Variants in LHFPL3 observed in about 807,000 individuals in gnomAD.
The protein encoded by LHFPL3 is LHFPL tetraspan subfamily member 3.
In LHFPL3, 5 loss-of-function variants were observed where a neutral mutation model predicts 19.3. That is an observed-to-expected ratio of 0.26 (90% CI 0.14 to 0.54). The LOEUF is 0.54. Ranked by LOEUF, LHFPL3 falls within the 20% of genes least tolerant of loss-of-function variation. LHFPL3 has a pLI of 0.94. For synonymous variants in LHFPL3, 133 were observed against 126.2 expected (o/e 1.05, Z -0.36); for missense variants, 249 against 307.4 (o/e 0.81, Z 1.42).
intron 2 of LHFPL3, among the ~76,000 whole-genome samples, chr7:104,739,208 C>T (rs1423414419): frequency 6.6e-6 from 1 of 152,152 alleles, no homozygotes; most frequent in Non-Finnish European, 1.5e-5. Flanking sequence ...TTAGTCAAAC[C>T]TGCATGTTCC....
chr7:104,416,772 A>G (rs1483793015), intron 1 of LHFPL3, among the ~76,000 whole-genome samples: 1 of 152,230 alleles, frequency 6.6e-6, no homozygotes, highest in Admixed American at 6.5e-5. Flanking sequence ...AGGAAGCCAC[A>G]GACTGGGTAA....
At chr7:104,376,751 C>G (rs920794159) in intron 1 of LHFPL3, among the ~76,000 whole-genome samples, 5 of 152,098 alleles carry the variant, frequency 3.3e-5, no homozygotes, top group African/African-American at 1.2e-4. Context: ...CAAGCCTTGG[C>G]GACACTCCTC....
chr7:104,440,588 C>CAAAGCTAT (rs1414300450), intron 1 of LHFPL3, among the ~76,000 whole-genome samples: 1 of 151,868 alleles, frequency 6.6e-6, no homozygotes, highest in Non-Finnish European at 1.5e-5. Context: ...TATAAAAATA[C>CAAAGCTAT]AAAGCTATAA....
At chr7:104,631,010 A>G (rs766111506) in intron 1 of LHFPL3, among the ~76,000 whole-genome samples, 3 of 152,094 alleles carry the variant, frequency 2.0e-5, no homozygotes, top group Non-Finnish European at 4.4e-5. Flanking sequence ...AACTTGCTAG[A>G]AATCTGCCTT....
intron 1 of LHFPL3, among the ~76,000 whole-genome samples, chr7:104,570,848 G>A (rs1229458588): frequency 6.6e-6 from 1 of 152,142 alleles, no homozygotes; most frequent in African/African-American, 2.4e-5. Context: ...GCCGTACTTA[G>A]TAAGCTCTAT....
intron 1 of LHFPL3, among the ~76,000 whole-genome samples, chr7:104,414,378 G>A (rs1252974619): frequency 1.3e-5 from 2 of 152,162 alleles, no homozygotes; most frequent in Non-Finnish European, 2.9e-5. Context: ...GTGGATTTTG[G>A]AAAGCATTCT....
chr7:104,598,353 A>G (rs13236834), intron 1 of LHFPL3, among the ~76,000 whole-genome samples: 20,016 of 152,258 alleles, frequency 0.13, 1,531 homozygotes, highest in Non-Finnish European at 0.17. Flanking sequence ...AGAGCTTTTA[A>G]TGCAAATTTT....
intron 1 of LHFPL3, among the ~76,000 whole-genome samples, chr7:104,387,934 C>G (rs973204075): frequency 2.0e-5 from 3 of 152,166 alleles, no homozygotes; most frequent in Non-Finnish European, 4.4e-5. Context: ...CTATCCTCCT[C>G]CTCCTCCCAC....
chr7:104,839,925 GC>G (rs1329452200), intron 2 of LHFPL3, among the ~76,000 whole-genome samples: 36 of 152,138 alleles, frequency 2.4e-4, no homozygotes, highest in African/African-American at 8.4e-4. Flanking sequence ...TCCCTAACAG[GC>G]TCTCACTTGT....
chr7:104,739,906 T>G (rs539184149), intron 2 of LHFPL3, among the ~76,000 whole-genome samples: 1 of 152,220 alleles, frequency 6.6e-6, no homozygotes, highest in Non-Finnish European at 1.5e-5. Flanking sequence ...AGTTTTATGG[T>G]TGATATGGTC....
intron 2 of LHFPL3, among the ~76,000 whole-genome samples, chr7:104,748,902 G>A (rs533698286): frequency 1.2e-4 from 19 of 152,300 alleles, no homozygotes; most frequent in East Asian, 9.6e-4. Flanking sequence ...GGCGCCCAAC[G>A]TGGGGCTAAG....
intron 1 of LHFPL3, among the ~76,000 whole-genome samples, chr7:104,642,534 C>A (rs1322644722): frequency 6.6e-6 from 1 of 152,022 alleles, no homozygotes; most frequent in Non-Finnish European, 1.5e-5. Flanking sequence ...TGTTTACTTC[C>A]CCCTTCAATT....
chr7:104,892,654 T>A (rs956251288), intron 2 of LHFPL3, among the ~76,000 whole-genome samples: 21 of 135,670 alleles, frequency 1.5e-4, no homozygotes, highest in Non-Finnish European at 3.0e-5. Context: ...GAGGTTGCAG[T>A]GAGCTGAGAC....
intron 2 of LHFPL3, among the ~76,000 whole-genome samples, chr7:104,866,425 C>T (rs1269156490): frequency 1.3e-5 from 2 of 152,078 alleles, no homozygotes; most frequent in Non-Finnish European, 2.9e-5. Context: ...GGGTTGCAAT[C>T]CTAATCTCTG....
At chr7:104,714,810 C>A (rs1793357208) in intron 1 of LHFPL3, among the ~76,000 whole-genome samples, 1 of 152,116 alleles carries the variant, frequency 6.6e-6, no homozygotes. Context: ...TGCCAACCAC[C>A]CTCTAGCTTA....
intron 1 of LHFPL3, among the ~76,000 whole-genome samples, chr7:104,426,073 G>A (rs1034637713): frequency 3.9e-5 from 6 of 152,082 alleles, no homozygotes; most frequent in Admixed American, 1.3e-4. Flanking sequence ...AAATGTTCCC[G>A]TTCCCCCACA....
chr7:104,528,673 A>G (rs183126077), intron 1 of LHFPL3, among the ~76,000 whole-genome samples: 1 of 152,300 alleles, frequency 6.6e-6, no homozygotes, highest in East Asian at 1.9e-4. Context: ...ATAATGTGGA[A>G]TTATTTAGTG....
chr7:104,641,574 C>T (rs911897678), intron 1 of LHFPL3, among the ~76,000 whole-genome samples: 3 of 152,102 alleles, frequency 2.0e-5, no homozygotes, highest in African/African-American at 7.2e-5. Context: ...TATACACTTC[C>T]CTTTCTTGGA....
intron 2 of LHFPL3, among the ~76,000 whole-genome samples, chr7:104,774,830 A>C (rs7799753): frequency 0.23 from 35,296 of 152,128 alleles, 4,512 homozygotes; most frequent in East Asian, 0.36. Flanking sequence ...GCTGGATTAA[A>C]GGCCTCATTC....
Sources: allele counts gnomAD v4.1 joint callset (sites outside exome capture counted in the v4.1 genomes callset), GRCh38; gene constraint gnomAD v4.1.1; transcripts MANE v1.5; gene names NCBI Gene and HGNC (gene_info 2026-07-23, HGNC 2026-07-21).